The following RABGAP1 variants were observed in gnomAD, a reference collection of about 807,000 sequenced individuals.
RABGAP1 encodes the protein RAB GTPase activating protein 1.
Under a neutral mutation model 137.6 loss-of-function variants are expected in RABGAP1, and 23 were observed. The ratio of observed to expected loss-of-function variants is 0.17; its 90% CI spans 0.12 to 0.24. RABGAP1 has a LOEUF of 0.24. RABGAP1 is among the 10% of genes least tolerant of loss of function. The pLI is 1.00. For synonymous variants in RABGAP1, 451 were observed against 450.7 expected (o/e 1.00, Z -0.01); for missense variants, 906 against 1,275.8 (o/e 0.71, Z 4.42).
chr9:122,978,354 ATTCC>A (rs1189218503), intron 2 of RABGAP1, among the ~76,000 whole-genome samples: 2 of 152,294 alleles, frequency 1.3e-5, no homozygotes, highest in East Asian at 3.9e-4. Flanking sequence ...TTAGTAGTTT[ATTCC>A]TTTTTATTGC....
chr9:122,981,178 C>A (rs539818879), intron 2 of RABGAP1, among the ~76,000 whole-genome samples: 2 of 152,152 alleles, frequency 1.3e-5, no homozygotes, highest in South Asian at 4.2e-4. Context: ...GTGCATGCCA[C>A]AATGCCTGGT....
chr9:123,101,893 G>A, intron 25 of RABGAP1, 130 bp downstream of exon 25: 1 of 974,760 alleles, frequency 1.0e-6, no homozygotes, highest in East Asian at 2.9e-5. Flanking sequence ...GTTGTCATGA[G>A]AAGAAATATA....
chr9:122,932,991 A>C, the RABGAP1 span, among the ~76,000 whole-genome samples: 1 of 152,212 alleles, frequency 6.6e-6, no homozygotes, highest in Non-Finnish European at 1.5e-5. Context: ...TGAAACTTGA[A>C]TTGTGGCATA....
At chr9:123,057,862 C>G (rs2033800006) in intron 13 of RABGAP1, among the ~76,000 whole-genome samples, 1 of 152,214 alleles carries the variant, frequency 6.6e-6, no homozygotes, top group Non-Finnish European at 1.5e-5. Flanking sequence ...ACCAGCCCCG[C>G]CAACACAGCA....
At chr9:122,962,236 T>TA (rs949036670) in intron 2 of RABGAP1, among the ~76,000 whole-genome samples, 74 of 147,724 alleles carry the variant, frequency 5.0e-4, no homozygotes, top group Admixed American at 1.4e-3. Context: ...GCTTAAAGAT[T>TA]AAAAAAAAAA....
intron 2 of RABGAP1, among the ~76,000 whole-genome samples, chr9:122,959,250 A>G (rs953258975): frequency 6.0e-5 from 9 of 149,488 alleles, no homozygotes; most frequent in African/African-American, 1.5e-4. Flanking sequence ...TTGCTAGGAC[A>G]GGGGTTAGAG....
rs1227746359 is a variant in RABGAP1, at chr9:123,020,423, C to T, written c.1758C>T (p.Asp586=). The T allele has an allele frequency of 6.2e-7, 1 of 1,604,540 alleles. No individual in the cohort carries two copies. ...WQLLAGCHNN[D]HLVEKYRILI... ...TGCTAGCAGGCTGTCATAACAATGACCACCTGGTAGAGAAATACCGCATTC... is the reference window on the plus strand; with the variant it reads ...TGCTAGCAGGCTGTCATAACAATGATCACCTGGTAGAGAAATACCGCATTC... Residue 586 remains aspartate (D), a synonymous_variant, in exon 13 of 26, where the codon GAC becomes GAT. Coordinates refer to ENST00000373647, the MANE Select transcript of RABGAP1 (RefSeq NM_012197.4).
chr9:122,959,419 T>C (rs1167716821), intron 2 of RABGAP1, among the ~76,000 whole-genome samples: 2 of 148,270 alleles, frequency 1.3e-5, no homozygotes, highest in Non-Finnish European at 3.0e-5. Flanking sequence ...AATGGGATCA[T>C]GATCTAATTT....
At chr9:122,941,560 G>T (rs1833569326) in intron 1 of RABGAP1, among the ~76,000 whole-genome samples, 1 of 152,226 alleles carries the variant, frequency 6.6e-6, no homozygotes, top group Non-Finnish European at 1.5e-5. Flanking sequence ...GTCCTGGGCT[G>T]CGCCTAAATT....
intron 13 of RABGAP1, among the ~76,000 whole-genome samples, chr9:123,030,806 G>A (rs2032258796): frequency 2.0e-5 from 3 of 152,266 alleles, no homozygotes; most frequent in East Asian, 1.9e-4. Context: ...AAGACCAAAT[G>A]TACATGTGGA....
At chr9:123,029,900 A>C in intron 13 of RABGAP1, 1 of 267,312 alleles carries the variant, frequency 3.7e-6, no homozygotes, top group Middle Eastern at 1.3e-3. Context: ...GAGATAATTT[A>C]TCATCTACAA....
At chr9:122,954,233 C>G (rs1564355742) in intron 1 of RABGAP1, among the ~76,000 whole-genome samples, 1 of 152,164 alleles carries the variant, frequency 6.6e-6, no homozygotes, top group Non-Finnish European at 1.5e-5. Context: ...GGTACCTCTT[C>G]ATTGTGGAGG....
Position 123,076,618 on chromosome 9 carries a change from T to G in RABGAP1, c.2296-16T>G, listed in dbSNP as rs1186448729. ...AGCAACACATTTTTTCTATATGTGT[T>G]TGTATTTTCTTCAAGACTTCGAAAG... is the stretch of plus-strand genomic sequence containing the variant. On this transcript the variant is annotated splice_polypyrimidine_tract_variant and intron_variant, in intron 18 of 25. Transcript: ENST00000373647. The G allele has an allele frequency of 6.3e-7, 1 of 1,583,290 alleles. No individual in the cohort carries two copies. The highest frequency in any genetic ancestry group is 8.5e-7 in the Non-Finnish European group (1 of 1,169,644).
chr9:123,030,217 T>G (rs1014995637), intron 13 of RABGAP1, among the ~76,000 whole-genome samples: 1 of 126,724 alleles, frequency 7.9e-6, no homozygotes, highest in Non-Finnish European at 1.5e-5. Context: ...TTGAGTTAGA[T>G]TGAGTACCAA....
chr9:122,949,089 C>T (rs750723794), intron 1 of RABGAP1, among the ~76,000 whole-genome samples: 1 of 152,134 alleles, frequency 6.6e-6, no homozygotes, highest in East Asian at 1.9e-4. Flanking sequence ...AGAAAAGAAG[C>T]GTTGGGCTAG....
chr9:123,087,827 G>A (rs1395333923), intron 19 of RABGAP1, among the ~76,000 whole-genome samples: 5 of 152,160 alleles, frequency 3.3e-5, no homozygotes, highest in South Asian at 4.1e-4. Context: ...CACTGAGAGC[G>A]TCTGGAGACA....
intron 8 of RABGAP1, 127 bp downstream of exon 8, chr9:122,996,732 A>G: frequency 1.3e-6 from 1 of 779,966 alleles, no homozygotes; most frequent in Admixed American, 3.1e-5. Flanking sequence ...TAAAGACAAC[A>G]TGCAAAGGTA....
intron 10 of RABGAP1, among the ~76,000 whole-genome samples, chr9:123,003,245 C>G (rs1332019989): frequency 6.6e-6 from 1 of 152,120 alleles, no homozygotes; most frequent in African/African-American, 2.4e-5. Flanking sequence ...CACAGTGATT[C>G]AATGAGGATA....
chr9:123,019,669 T>C (rs2131921976), intron 12 of RABGAP1, among the ~76,000 whole-genome samples: 1 of 144,104 alleles, frequency 6.9e-6, no homozygotes, highest in Middle Eastern at 3.8e-3. Flanking sequence ...TGTCCACTGA[T>C]TGGAATTTTG....
Sources: allele counts gnomAD v4.1 joint callset (sites outside exome capture counted in the v4.1 genomes callset), GRCh38; gene constraint gnomAD v4.1.1; transcripts MANE v1.5; gene names NCBI Gene and HGNC (gene_info 2026-07-23, HGNC 2026-07-21).